OSBPL1A: variants seen among roughly 807,000 people sequenced by gnomAD.
OSBPL1A encodes the protein oxysterol binding protein like 1A.
In OSBPL1A, 80 loss-of-function variants were observed where a neutral mutation model predicts 137.1. The ratio of observed to expected loss-of-function variants is 0.58; its 90% CI spans 0.49 to 0.70. The LOEUF is 0.70. OSBPL1A is among the 30% of genes least tolerant of loss of function. OSBPL1A has a pLI of 0.00. For missense variants in OSBPL1A, 970 were observed against 1,129.4 expected, an observed-to-expected ratio of 0.86 and a Z score of 2.02; for synonymous variants, 365 against 389.7, an observed-to-expected ratio of 0.94 and a Z score of 0.75.
intron 7 of OSBPL1A, among the ~76,000 whole-genome samples, chr18:24,319,428 G>A (rs139489418): frequency 5.5e-4 from 83 of 152,216 alleles, no homozygotes; most frequent in African/African-American, 1.8e-3. Flanking sequence ...CCACAGCCAC[G>A]CTTCAGCCGT....
intron 17 of OSBPL1A, among the ~76,000 whole-genome samples, chr18:24,208,427 G>C (rs1353821014): frequency 6.6e-6 from 1 of 152,136 alleles, no homozygotes; most frequent in Admixed American, 6.5e-5. Flanking sequence ...CAAGTCATTT[G>C]AAAAGTACCA....
At chr18:24,325,190 C>G (rs777812974) in intron 7 of OSBPL1A, among the ~76,000 whole-genome samples, 3 of 152,122 alleles carry the variant, frequency 2.0e-5, no homozygotes, top group Non-Finnish European at 4.4e-5. Context: ...AGGGTATAAA[C>G]GTAAGGGATG....
intron 12 of OSBPL1A, among the ~76,000 whole-genome samples, chr18:24,313,242 A>G (rs1278050270): frequency 1.3e-5 from 2 of 151,752 alleles, no homozygotes; most frequent in East Asian, 3.9e-4. Flanking sequence ...GGATTTCGAG[A>G]CCAGCCTGAC....
chr18:24,242,127 G>T (rs2088716931), intron 15 of OSBPL1A, among the ~76,000 whole-genome samples: 1 of 151,634 alleles, frequency 6.6e-6, no homozygotes. Flanking sequence ...GGCCTGTTGG[G>T]GGGTGGGGGG....
chr18:24,213,343 G>A (rs1433680108), intron 17 of OSBPL1A, among the ~76,000 whole-genome samples: 2 of 152,126 alleles, frequency 1.3e-5, no homozygotes, highest in Non-Finnish European at 2.9e-5. Flanking sequence ...CGAGGCAGGC[G>A]GATCACTTGA....
chr18:24,311,372 A>G, intron 13 of OSBPL1A: 1 of 673,762 alleles, frequency 1.5e-6, no homozygotes, highest in Non-Finnish European at 1.8e-6. Context: ...CTCAATTCCC[A>G]TTCTTTTAGA....
In OSBPL1A at chr18:24,318,589, A is replaced by C. The variant is rs893716327; in HGVS notation, c.732+12T>G. On this transcript the variant is annotated intron_variant, in intron 9 of 27. Transcript: ENST00000319481. ...TTTACAGTTATATAATTAAAAAACC[A>C]CCTCAACTTACCTTCCAGAGAGGGC... 8 of 1,599,878 alleles carry C rather than the reference A, an allele frequency of 5.0e-6. No homozygotes were observed. The African/African-American group carries it at 1.1e-4, about 22-fold the overall frequency.
intron 17 of OSBPL1A, among the ~76,000 whole-genome samples, chr18:24,214,257 C>G (rs1386173252): frequency 1.3e-5 from 2 of 152,116 alleles, no homozygotes; most frequent in African/African-American, 4.8e-5. Context: ...AGGAAACGGT[C>G]TGAACAACAG....
At position 24,171,426 on chromosome 18, in the gene OSBPL1A, G is replaced by A; in HGVS notation, c.2274C>T (p.Gly758=). The part of the protein sequence containing the change: ...LFGKELHKVE[G]YIQDKSKKKL... The stretch of plus-strand genomic sequence containing the variant: ...AATTTTACCTTTTATCTTGAATGTA[G>A]CCTTCAACTTTGTGTAATTCCTTAC... Residue 758 remains glycine (G), a synonymous_variant, in exon 23 of 28, where the codon GGC becomes GGT. Coordinates refer to ENST00000319481, the MANE Select transcript of OSBPL1A (RefSeq NM_080597.4). 6.2e-7 allele frequency: 1 copy of A among 1,612,418 alleles called. No homozygotes were observed. The highest frequency in any genetic ancestry group is 8.5e-7 in the Non-Finnish European group (1 of 1,178,804).
intron 1 of OSBPL1A, among the ~76,000 whole-genome samples, chr18:24,392,004 C>T (rs1310776357): frequency 4.0e-5 from 6 of 151,680 alleles, no homozygotes; most frequent in African/African-American, 9.7e-5. Flanking sequence ...TACAGGCACA[C>T]GCCACCATGC....
intron 14 of OSBPL1A, among the ~76,000 whole-genome samples, chr18:24,300,825 C>T (rs1300334759): frequency 1.3e-5 from 2 of 152,104 alleles, no homozygotes; most frequent in East Asian, 3.9e-4. Context: ...CTGTCTCTCT[C>T]TCTCTCTCTC....
intron 17 of OSBPL1A, among the ~76,000 whole-genome samples, chr18:24,207,598 T>C (rs888877797): frequency 1.3e-5 from 2 of 152,238 alleles, no homozygotes; most frequent in Admixed American, 1.3e-4. Context: ...AAGAAAACTA[T>C]TCCACAGAGA....
chr18:24,267,990 C>T lies in OSBPL1A; in HGVS notation c.1281+12852G>A, dbSNP rs563493399. On this transcript the variant is annotated intron_variant, in intron 15 of 27. Coordinates refer to ENST00000319481, the MANE Select transcript of OSBPL1A (RefSeq NM_080597.4). Reference sequence around the variant, plus strand: ...GAATTGAAAAAAAGGAATAAAATTACAATCATCCACAGATTATGAATGTCT... The same window carrying T: ...GAATTGAAAAAAAGGAATAAAATTATAATCATCCACAGATTATGAATGTCT... 3.3e-5 allele frequency among the ~76,000 whole-genome samples: 5 copies of T among 152,210 alleles called. No individual in the cohort carries two copies. In the East Asian group the frequency reaches 9.6e-4, roughly 29 times the overall value.
At chr18:24,353,333 G>T (rs2091476759) in intron 4 of OSBPL1A, among the ~76,000 whole-genome samples, 1 of 152,106 alleles carries the variant, frequency 6.6e-6, no homozygotes, top group Non-Finnish European at 1.5e-5. Context: ...ATCATCACTG[G>T]CCATCAAAGA....
intron 17 of OSBPL1A, among the ~76,000 whole-genome samples, chr18:24,210,007 T>C (rs2087485084): frequency 6.6e-6 from 1 of 152,216 alleles, no homozygotes; most frequent in African/African-American, 2.4e-5. Context: ...TTACTTTCAC[T>C]ATATAAAAAT....
At chr18:24,246,148 G>A (rs181723744) in intron 15 of OSBPL1A, among the ~76,000 whole-genome samples, 1 of 152,192 alleles carries the variant, frequency 6.6e-6, no homozygotes, top group African/African-American at 2.4e-5. Flanking sequence ...GGAGGCAGAG[G>A]TTGTAGTGAG....
At position 24,258,923 on chromosome 18, in the gene OSBPL1A, A is replaced by T. The variant is rs866017629; in HGVS notation, c.1282-19541T>A. Among the ~76,000 whole-genome samples the T allele has an allele frequency of 4.8e-5, 6 of 124,690 alleles. No homozygotes were observed. In the South Asian group the frequency reaches 1.0e-3, roughly 21 times the overall value. 81.8% of individuals were successfully genotyped at this position (124,690 alleles called of 152,430 possible). On this transcript the variant is annotated intron_variant, in intron 15 of 27. Transcript: ENST00000319481. The stretch of plus-strand genomic sequence containing the variant: ...TTTTAAAGTCTATTTTTAAAATTAC[A>T]TCTTTTTTTTTTTTTTTTTTTTTTT...
At chr18:24,373,233 CATA>C (rs1160321768) in intron 2 of OSBPL1A, among the ~76,000 whole-genome samples, 1 of 152,122 alleles carries the variant, frequency 6.6e-6, no homozygotes, top group Admixed American at 6.5e-5. Context: ...GTACACTATA[CATA>C]ATATTAAAAC....
chr18:24,383,924 G>T (rs1346469232), intron 1 of OSBPL1A, among the ~76,000 whole-genome samples: 3 of 152,196 alleles, frequency 2.0e-5, no homozygotes, highest in Non-Finnish European at 4.4e-5. Context: ...GTACCATGAT[G>T]GATAAGATGG....
Sources: allele counts gnomAD v4.1 joint callset (sites outside exome capture counted in the v4.1 genomes callset), GRCh38; gene constraint gnomAD v4.1.1; transcripts MANE v1.5; gene names NCBI Gene and HGNC (gene_info 2026-07-23, HGNC 2026-07-21).